UNC13C: variants seen among roughly 807,000 people sequenced by gnomAD.
UNC13C encodes protein unc-13 homolog C.
In UNC13C, 174 loss-of-function variants were observed where a neutral mutation model predicts 245.4. The ratio of observed to expected loss-of-function variants is 0.71; its 90% CI spans 0.63 to 0.80. The LOEUF (loss-of-function observed/expected upper bound fraction) is 0.80. Ranked by LOEUF, UNC13C falls within the 30% of genes least tolerant of loss-of-function variation. The pLI is 0.00. For synonymous variants in UNC13C, 992 were observed against 895.1 expected (o/e 1.11, Z -1.93); for missense variants, 2,829 against 2,602.9 (o/e 1.09, Z -1.89).
At chr15:54,619,144 G>A (rs539652297) in intron 30 of UNC13C, among the ~76,000 whole-genome samples, 3 of 152,210 alleles carry the variant, frequency 2.0e-5, no homozygotes, top group Admixed American at 2.0e-4. Context: ...AATCCTTTCA[G>A]CTTTTTATGT....
At chr15:54,492,998 A>C (rs953969347) in intron 19 of UNC13C, among the ~76,000 whole-genome samples, 9 of 152,216 alleles carry the variant, frequency 5.9e-5, no homozygotes, top group African/African-American at 1.9e-4. Context: ...CACCAAGTGT[A>C]AGATCCCAAG....
chr15:54,562,165 T>C (rs866463289), intron 29 of UNC13C, among the ~76,000 whole-genome samples: 1 of 152,046 alleles, frequency 6.6e-6, no homozygotes, highest in African/African-American at 2.4e-5. Flanking sequence ...TTGAGTTCTA[T>C]GTTATTCTGC....
At chr15:53,859,839 A>T in the UNC13C span, among the ~76,000 whole-genome samples, 1 of 151,888 alleles carries the variant, frequency 6.6e-6, no homozygotes, top group Non-Finnish European at 1.5e-5. Context: ...AATCCTTCTG[A>T]TTTCACTCCA....
chr15:53,971,813 A>G, the UNC13C span, among the ~76,000 whole-genome samples: 1 of 152,174 alleles, frequency 6.6e-6, no homozygotes, highest in Non-Finnish European at 1.5e-5. Context: ...TTCCTCTAGC[A>G]CCTATTTATA....
intron 2 of UNC13C, among the ~76,000 whole-genome samples, chr15:54,118,254 C>T (rs2030416379): frequency 6.6e-6 from 1 of 152,026 alleles, no homozygotes; most frequent in African/African-American, 2.4e-5. Flanking sequence ...GTACTATATT[C>T]ATTTTAACAA....
intron 29 of UNC13C, among the ~76,000 whole-genome samples, chr15:54,566,993 T>G (rs1381504732): frequency 1.3e-5 from 2 of 152,092 alleles, no homozygotes; most frequent in African/African-American, 2.4e-5. Context: ...ATGTTATAAA[T>G]CTATTATCAT....
In UNC13C at chr15:54,041,557, A is replaced by G. The variant is rs561116993; in HGVS notation, c.2983+25671A>G. Among the ~76,000 whole-genome samples, 5 of 152,318 alleles carry G rather than the reference A, an allele frequency of 3.3e-5. No homozygotes were observed. In the South Asian group the frequency reaches 6.2e-4, roughly 19 times the overall value. Reference sequence around the variant, plus strand: ...ATGCCTGGAACACCATACTCTTTTCATCAACCCAAAGCTACATAGCATAGT... The same window carrying G: ...ATGCCTGGAACACCATACTCTTTTCGTCAACCCAAAGCTACATAGCATAGT... On this transcript the variant is annotated intron_variant, in intron 2 of 32. Transcript: ENST00000260323.
At chr15:53,942,262 A>G in the UNC13C span, among the ~76,000 whole-genome samples, 1 of 152,164 alleles carries the variant, frequency 6.6e-6, no homozygotes, top group African/African-American at 2.4e-5. Flanking sequence ...GGGATATGGA[A>G]GGAGCTAGAA....
At chr15:54,147,505 C>T (rs527630101) in intron 4 of UNC13C, among the ~76,000 whole-genome samples, 3 of 152,306 alleles carry the variant, frequency 2.0e-5, no homozygotes, top group Admixed American at 6.5e-5. Context: ...AGGCATGAGC[C>T]ACTGCGCCCA....
rs921604076 is a variant in UNC13C at position 54,104,943 on chromosome 15, T to C, written c.2984-38075T>C. ...TTAATGTGGCAAGGCTGAATTTGCA[T>C]TGGTGTATATGTGTTTGTTTGAAAG... On this transcript the variant is annotated intron_variant, in intron 2 of 32. Transcript: ENST00000260323. Among the ~76,000 whole-genome samples, 13 of 152,092 alleles carry C rather than the reference T, an allele frequency of 8.5e-5. 1 individual carries two copies. The highest frequency in any genetic ancestry group is 3.1e-4 in the African/African-American group (13 of 41,428).
intron 19 of UNC13C, among the ~76,000 whole-genome samples, chr15:54,483,366 G>C (rs552992583): frequency 6.6e-6 from 1 of 151,966 alleles, no homozygotes. Flanking sequence ...TGAGAGTAGG[G>C]GTCAGGAATC....
intron 29 of UNC13C, among the ~76,000 whole-genome samples, chr15:54,559,980 G>A (rs903702406): frequency 3.3e-5 from 5 of 151,974 alleles, no homozygotes; most frequent in African/African-American, 1.2e-4. Flanking sequence ...TTATGGGCGG[G>A]AAGAACATAT....
intron 2 of UNC13C, among the ~76,000 whole-genome samples, chr15:54,082,978 ATCT>A (rs1252087159): frequency 6.6e-6 from 1 of 151,834 alleles, no homozygotes; most frequent in Non-Finnish European, 1.5e-5. Context: ...CAGGGAGCAC[ATCT>A]TGTGTACTAG....
At chr15:54,164,123 G>C (rs1011610531) in intron 4 of UNC13C, among the ~76,000 whole-genome samples, 1 of 152,020 alleles carries the variant, frequency 6.6e-6, no homozygotes, top group African/African-American at 2.4e-5. Flanking sequence ...AAAACAGCTT[G>C]TTGTATACGT....
At chr15:54,418,475 T>C (rs1224917614) in intron 19 of UNC13C, among the ~76,000 whole-genome samples, 1 of 152,184 alleles carries the variant, frequency 6.6e-6, no homozygotes, top group African/African-American at 2.4e-5. Flanking sequence ...CTGCTTGTTC[T>C]GCATGTTTCT....
At position 54,210,803 on chromosome 15, in the gene UNC13C, T is replaced by A. The variant is rs142847733; in HGVS notation, c.3072-24227T>A. ...AAAGCAGACAGCATTGGCTTCTTGT[T>A]TGCAATGGTTTCCCTTGTCCCAGTT... On this transcript the variant is annotated intron_variant, in intron 4 of 32. Transcript: ENST00000260323. Among the ~76,000 whole-genome samples, 642 of 152,264 alleles carry A rather than the reference T, an allele frequency of 4.2e-3. 7 individuals carry two copies. The highest frequency in any genetic ancestry group is 0.015 in the African/African-American group (624 of 41,580).
chr15:54,380,326 G>T (rs899917983), intron 17 of UNC13C, among the ~76,000 whole-genome samples: 6 of 151,982 alleles, frequency 3.9e-5, no homozygotes, highest in Admixed American at 2.0e-4. Flanking sequence ...CACTACATAG[G>T]ATTCCACTGT....
chr15:53,866,137 G>T, the UNC13C span, among the ~76,000 whole-genome samples: 1 of 152,120 alleles, frequency 6.6e-6, no homozygotes, highest in Non-Finnish European at 1.5e-5. Flanking sequence ...CTATTCTTCA[G>T]TACCTACACG....
At chr15:54,376,372 A>G (rs942764904) in intron 17 of UNC13C, among the ~76,000 whole-genome samples, 2 of 152,234 alleles carry the variant, frequency 1.3e-5, no homozygotes, top group African/African-American at 4.8e-5. Flanking sequence ...ACAGAAACAT[A>G]AGGAAAATTT....
Sources: allele counts gnomAD v4.1 joint callset (sites outside exome capture counted in the v4.1 genomes callset), GRCh38; gene constraint gnomAD v4.1.1; transcripts MANE v1.5; gene names NCBI Gene and HGNC (gene_info 2026-07-23, HGNC 2026-07-21).